The following ZNF484 variants were observed in gnomAD, a reference collection of about 807,000 sequenced individuals.
ZNF484 encodes the protein KRAB box containing C2H2 type zinc finger bA526D8.4.
A neutral mutation model predicts 12.9 loss-of-function variants in ZNF484; 11 were observed. The ratio of observed to expected loss-of-function variants is 0.85; its 90% CI spans 0.54 to 1.41. The LOEUF is 1.41. Among genes scored for constraint, ZNF484 ranks in the 40% most tolerant of loss-of-function variants. ZNF484 has a pLI of 0.00. For synonymous variants in ZNF484, 289 were observed against 334.1 expected, an observed-to-expected ratio of 0.86 and a Z score of 1.47; for missense variants, 807 against 1,007.7, an observed-to-expected ratio of 0.80 and a Z score of 2.70.
intron 1 of ZNF484, 39 bp from the exon 2 acceptor site, chr9:92,875,098 G>T (rs1344225015): frequency 9.4e-6 from 15 of 1,599,564 alleles, no homozygotes; most frequent in Non-Finnish European, 1.3e-5. Flanking sequence ...ATGAGAGAAG[G>T]AACTGTGCCA....
At chr9:92,872,771 TAA>T (rs56991443) in intron 2 of ZNF484, among the ~76,000 whole-genome samples, 2 of 148,680 alleles carry the variant, frequency 1.3e-5, no homozygotes, top group Non-Finnish European at 3.0e-5. Context: ...TATAGAACTG[TAA>T]AAAAAAAAAA....
intron 2 of ZNF484, among the ~76,000 whole-genome samples, chr9:92,867,249 C>T (rs10992500): frequency 0.03 from 4,604 of 152,126 alleles, 110 homozygotes; most frequent in African/African-American, 0.069. Flanking sequence ...GAGGCTGAGG[C>T]GGGTGGATCA....
intron 2 of ZNF484, among the ~76,000 whole-genome samples, chr9:92,862,729 G>C (rs1207921842): frequency 6.6e-6 from 1 of 152,106 alleles, no homozygotes; most frequent in Non-Finnish European, 1.5e-5. Context: ...TTTATATATA[G>C]AGAAAAGATT....
In ZNF484 at chr9:92,847,295, A is replaced by C. The variant is rs1855705044; in HGVS notation, c.1492T>G (p.Cys498Gly). 1 of 1,614,066 alleles carries C rather than the reference A, an allele frequency of 6.2e-7. No individual in the cohort carries two copies. The highest frequency in any genetic ancestry group is 8.5e-7 in the Non-Finnish European group (1 of 1,180,000). Reference protein sequence around the residue: ...KIHTGERPYICTVCGKAFTDR... With the variant: ...KIHTGERPYIGTVCGKAFTDR... ...GTAAAGGCCTTACCACACACAGTAC[A>C]TATATAGGGTCTTTCTCCTGTATGA... Residue 498 changes from cysteine to glycine, a missense_variant, in exon 5 of 5, where the codon TGT (cysteine) becomes GGT (glycine). Transcript: ENST00000375495.
intron 2 of ZNF484, among the ~76,000 whole-genome samples, chr9:92,867,639 G>GA (rs1857188550): frequency 6.6e-6 from 1 of 152,076 alleles, no homozygotes; most frequent in Non-Finnish European, 1.5e-5. Context: ...TTTAAAAAAA[G>GA]AAAATATTGC....
At chr9:92,861,571 C>T (rs952629395) in intron 2 of ZNF484, among the ~76,000 whole-genome samples, 1 of 152,098 alleles carries the variant, frequency 6.6e-6, no homozygotes, top group Non-Finnish European at 1.5e-5. Context: ...AATCAGTTAC[C>T]TCAGTTACCT....
intron 2 of ZNF484, among the ~76,000 whole-genome samples, chr9:92,872,257 A>T (rs1857485796): frequency 2.7e-5 from 3 of 109,434 alleles, no homozygotes; most frequent in East Asian, 2.4e-4. Flanking sequence ...AAAAAAAAAA[A>T]GTTAAAGCAG....
rs1321158632 is a variant in ZNF484 at position 92,847,207 on chromosome 9, C to T, written c.1580G>A (p.Ser527Asn). The change falls in exon 5 of 5, where the codon AGC becomes AAC. Residue 527 changes from serine (S) to asparagine (N), a missense_variant. Transcript: ENST00000375495. The stretch of plus-strand genomic sequence containing the variant: ...CCAGGTGAATGATTTTCCACAGTCG[C>T]TGCATTTATAAGGTTTCTCTCCAGT... ...IHTGEKPYKC[S>N]DCGKSFTWKS... 1 of 1,613,982 alleles carries T rather than the reference C, an allele frequency of 6.2e-7. No homozygotes were observed. Among genetic ancestry groups the T allele is most frequent in the South Asian group, 1.1e-5 (1 of 91,084 alleles).
chr9:92,874,421 C>T (rs1373901197), intron 2 of ZNF484, among the ~76,000 whole-genome samples: 1 of 151,752 alleles, frequency 6.6e-6, no homozygotes, highest in African/African-American at 2.4e-5. Context: ...AAGCAATTCT[C>T]CTGCCTCAGC....
intron 2 of ZNF484, among the ~76,000 whole-genome samples, chr9:92,863,525 CTTAG>C (rs772275708): frequency 3.8e-4 from 58 of 152,118 alleles, no homozygotes; most frequent in Non-Finnish European, 6.8e-4. Context: ...ATTAAAACAC[CTTAG>C]TTAGGGAGAA....
intron 2 of ZNF484, among the ~76,000 whole-genome samples, chr9:92,860,928 A>G (rs1856751660): frequency 6.6e-6 from 1 of 152,186 alleles, no homozygotes; most frequent in South Asian, 2.1e-4. Context: ...GGTTCTTTAA[A>G]TACATGTATG....
rs1855545370 is a variant in ZNF484, at chr9:92,845,776, A to G, written c.*452T>C. 6.4e-6 allele frequency: 1 copy of G among 157,378 alleles called. No individual in the cohort carries two copies. Among genetic ancestry groups the G allele is most frequent in the Admixed American group, 6.2e-5 (1 of 16,128 alleles). 9.7% of individuals were successfully genotyped at this position (157,378 alleles called of 1,614,324 possible). A position where few individuals can be genotyped will look rare whatever the true frequency, so the allele number is the denominator to read the frequency against. ...ACGCCAACAGATATAACAATAAATA[A>G]TGGTGACTTCCCAAAGAAAATTTTA... On this transcript the variant is annotated 3_prime_UTR_variant, in exon 5 of 5. Transcript: ENST00000375495. The surrounding 1 kb of genome is among the most constrained non-coding windows in gnomAD (Gnocchi z 4.0).
intron 2 of ZNF484, among the ~76,000 whole-genome samples, chr9:92,874,310 C>CTTTTTTTT (rs34348573): frequency 2.2e-5 from 3 of 137,544 alleles, no homozygotes; most frequent in Non-Finnish European, 3.1e-5. Context: ...TTCTTTCTTT[C>CTTTTTTTT]TTTTTTTTTT....
intron 4 of ZNF484, among the ~76,000 whole-genome samples, chr9:92,853,394 G>A (rs991725067): frequency 3.3e-5 from 5 of 152,328 alleles, no homozygotes; most frequent in African/African-American, 9.6e-5. Context: ...ATTGTATCTT[G>A]TCTTCCTTCA....
chr9:92,856,319 C>A lies in ZNF484; in HGVS notation c.16-1G>T, dbSNP rs1345503435. 6.8e-7 allele frequency: 1 copy of A among 1,469,994 alleles called. No individual in the cohort carries two copies. Among genetic ancestry groups the A allele is most frequent in the Non-Finnish European group, 9.1e-7 (1 of 1,104,712 alleles). The allele number at this position is 1,469,994 out of a possible 1,614,324, so 91.1% of individuals were successfully genotyped here. ...TTACGTCCTTGAATGACACTGATTCCTGTTAAAAAAAAAAAACAAACTTTA... is the reference window on the plus strand; with the variant it reads ...TTACGTCCTTGAATGACACTGATTCATGTTAAAAAAAAAAAACAAACTTTA... On this transcript the variant is annotated splice_acceptor_variant, in intron 2 of 4. Transcript: ENST00000375495. LOFTEE classifies it high-confidence loss of function.
intron 1 of ZNF484, 86 bp downstream of exon 1, chr9:92,877,804 C>T (rs907722470): frequency 7.2e-6 from 11 of 1,535,648 alleles, no homozygotes; most frequent in African/African-American, 4.1e-5. Context: ...ATCCACTGAC[C>T]GACCCCATCA....
chr9:92,865,283 T>C (rs1253592508), intron 2 of ZNF484, among the ~76,000 whole-genome samples: 4 of 149,850 alleles, frequency 2.7e-5, no homozygotes, highest in African/African-American at 9.8e-5. Context: ...CTATAAAAAA[T>C]CAAAACAAAA....
chr9:92,854,005 C>T (rs1178261733), intron 4 of ZNF484, among the ~76,000 whole-genome samples: 5 of 79,572 alleles, frequency 6.3e-5, no homozygotes, highest in Admixed American at 3.4e-4. Flanking sequence ...ATGGCAGGGG[C>T]GGGTGGGGCT....
chr9:92,857,156 C>T (rs1325824967), intron 2 of ZNF484, among the ~76,000 whole-genome samples: 2 of 152,170 alleles, frequency 1.3e-5, no homozygotes, highest in Non-Finnish European at 2.9e-5. Flanking sequence ...CTGTAAATGC[C>T]AGACGCAATA....
Sources: allele counts gnomAD v4.1 joint callset (sites outside exome capture counted in the v4.1 genomes callset), GRCh38; gene constraint gnomAD v4.1.1; non-coding constraint Gnocchi (gnomAD v3.1); transcripts MANE v1.5; gene names NCBI Gene and HGNC (gene_info 2026-07-23, HGNC 2026-07-21).